ADAM10: variants seen among roughly 807,000 people sequenced by gnomAD.
ADAM10 encodes disintegrin and metalloproteinase domain-containing protein 10.
A neutral mutation model predicts 90.1 loss-of-function variants in ADAM10; 17 were observed. That is an observed-to-expected ratio of 0.19 (90% CI 0.13 to 0.28). The LOEUF is 0.28. ADAM10 is among the 10% of genes least tolerant of loss of function. The pLI is 1.00. For synonymous variants in ADAM10, 310 were observed against 298.6 expected (o/e 1.04, Z -0.40); for missense variants, 610 against 914.3 (o/e 0.67, Z 4.29).
chr15:58,724,522 C>A (rs1898965558), intron 1 of ADAM10, among the ~76,000 whole-genome samples: 1 of 152,112 alleles, frequency 6.6e-6, no homozygotes, highest in Admixed American at 6.5e-5. Flanking sequence ...AGTCTCCAGG[C>A]CAAATGACAG....
intron 11 of ADAM10, among the ~76,000 whole-genome samples, chr15:58,612,786 C>G (rs1420261339): frequency 1.3e-5 from 2 of 152,220 alleles, no homozygotes; most frequent in Non-Finnish European, 2.9e-5. Flanking sequence ...TGTATAATCC[C>G]AGCTACAGAC....
intron 6 of ADAM10, 105 bp downstream of exon 6, chr15:58,645,950 T>C (rs1896535446): frequency 2.4e-6 from 3 of 1,260,868 alleles, no homozygotes; most frequent in South Asian, 2.5e-5. Context: ...TGAAAACACA[T>C]ACTTTTTCCC....
intron 2 of ADAM10, among the ~76,000 whole-genome samples, chr15:58,707,054 G>C (rs1595640293): frequency 8.0e-6 from 1 of 124,792 alleles, no homozygotes. Context: ...AAAAAGAAAA[G>C]AAAAGAAATT....
chr15:58,715,806 T>A (rs1398226862), intron 2 of ADAM10, among the ~76,000 whole-genome samples: 3 of 152,188 alleles, frequency 2.0e-5, no homozygotes, highest in African/African-American at 7.2e-5. Context: ...TTATTCAATA[T>A]GAATTACATG....
At chr15:58,655,696 GTATATATATATATAGTATATATATATA>G (rs1407382243) in intron 5 of ADAM10, among the ~76,000 whole-genome samples, 8 of 68,258 alleles carry the variant, frequency 1.2e-4, no homozygotes, top group African/African-American at 2.4e-4. Flanking sequence ...ATTATATATA[GTATATATATATATAGTATATATATATA>G]TATATATATA....
intron 2 of ADAM10, chr15:58,691,413 G>A (rs1180446912): frequency 1.4e-6 from 1 of 700,402 alleles, no homozygotes; most frequent in South Asian, 1.4e-5. Flanking sequence ...AGCAGAGTTG[G>A]CTACCTGCTC....
chr15:58,634,052 T>C (rs1424378663), intron 8 of ADAM10, among the ~76,000 whole-genome samples: 1 of 152,204 alleles, frequency 6.6e-6, no homozygotes, highest in Non-Finnish European at 1.5e-5. Context: ...GGCTCACGCC[T>C]GTAATCCCAG....
intron 4 of ADAM10, among the ~76,000 whole-genome samples, chr15:58,668,779 C>A (rs1363532683): frequency 5.9e-5 from 9 of 152,134 alleles, no homozygotes; most frequent in African/African-American, 2.2e-4. Flanking sequence ...TGTATATTCA[C>A]AAACCAATAA....
intron 9 of ADAM10, among the ~76,000 whole-genome samples, chr15:58,631,832 C>T (rs1896111215): frequency 6.6e-6 from 1 of 152,152 alleles, no homozygotes; most frequent in Non-Finnish European, 1.5e-5. Flanking sequence ...ATCACAAAAG[C>T]AGTCAAGAGT....
At position 58,682,138 on chromosome 15, in the gene ADAM10, T is replaced by A. The variant is rs1399119430; in HGVS notation, c.325+58A>T. 2.5e-6 allele frequency: 4 copies of A among 1,596,142 alleles called. No homozygotes were observed. The East Asian group carries it at 9.0e-5, about 36-fold the overall frequency. On this transcript the variant is annotated intron_variant, in intron 3 of 15. Coordinates refer to ENST00000260408, the MANE Select transcript of ADAM10 (RefSeq NM_001110.4). ...ATATTTGCTTACACTTCAAAATGAG[T>A]ATCTTTGTGTAGAAAAAAAAAAATG...
intron 15 of ADAM10, among the ~76,000 whole-genome samples, chr15:58,597,882 T>C (rs374533081): frequency 1.3e-5 from 2 of 152,118 alleles, no homozygotes; most frequent in Non-Finnish European, 2.9e-5. Flanking sequence ...CATTTCAATA[T>C]ATAATCAATA....
intron 2 of ADAM10, among the ~76,000 whole-genome samples, chr15:58,707,074 T>C (rs1595640330): frequency 1.9e-5 from 1 of 53,766 alleles, no homozygotes; most frequent in African/African-American, 6.5e-5. Flanking sequence ...TCTAGGGCTA[T>C]AAACTTTGGG....
At chr15:58,745,831 C>T (rs1899773503) in intron 1 of ADAM10, among the ~76,000 whole-genome samples, 1 of 152,136 alleles carries the variant, frequency 6.6e-6, no homozygotes, top group Admixed American at 6.5e-5. Flanking sequence ...AAGAGGGTGG[C>T]TACTGCCCTA....
chr15:58,736,154 A>G (rs1899423422), intron 1 of ADAM10, among the ~76,000 whole-genome samples: 1 of 152,186 alleles, frequency 6.6e-6, no homozygotes, highest in Admixed American at 6.5e-5. Flanking sequence ...CATCTTCACC[A>G]GAAGAGGCCA....
chr15:58,712,780 C>G (rs1301050708), intron 2 of ADAM10, among the ~76,000 whole-genome samples: 1 of 147,432 alleles, frequency 6.8e-6, no homozygotes, highest in Admixed American at 6.6e-5. Flanking sequence ...AAGCCAAGTT[C>G]CCCCCACTGC....
chr15:58,688,786 A>ATATATATATCTCTC, intron 2 of ADAM10, among the ~76,000 whole-genome samples: 8 of 122,390 alleles, frequency 6.5e-5, no homozygotes, highest in African/African-American at 2.2e-4. Context: ...ATATATATAT[A>ATATATATATCTCTC]TCTCTCTCTC....
rs568767017 is a variant in ADAM10, at chr15:58,738,346, T to C, written c.55+11134A>G. On this transcript the variant is annotated intron_variant, in intron 1 of 15. Transcript: ENST00000260408. ...AAACTGTTCTCCTGTATGACAAAGGTAGGCTTCCAGGAACTATCATGCCCT... is the reference window on the plus strand; with the variant it reads ...AAACTGTTCTCCTGTATGACAAAGGCAGGCTTCCAGGAACTATCATGCCCT... Among the ~76,000 whole-genome samples, 4 of 152,330 alleles carry C rather than the reference T, an allele frequency of 2.6e-5. No homozygotes were observed. The South Asian group carries it at 8.3e-4, about 32-fold the overall frequency.
intron 1 of ADAM10, among the ~76,000 whole-genome samples, chr15:58,727,558 C>G (rs1174022084): frequency 2.0e-5 from 3 of 152,076 alleles, no homozygotes; most frequent in Non-Finnish European, 4.4e-5. Context: ...TCTCAAACAC[C>G]TGGTATTAAG....
intron 1 of ADAM10, among the ~76,000 whole-genome samples, chr15:58,736,923 T>C (rs1459009561): frequency 6.6e-6 from 1 of 151,890 alleles, no homozygotes; most frequent in African/African-American, 2.4e-5. Context: ...AAGACCAGCC[T>C]GGGCAACACA....
Sources: gnomAD v4.1 joint callset for allele counts (sites outside exome capture counted in the v4.1 genomes callset) on GRCh38, gnomAD v4.1.1 for gene constraint, MANE v1.5 for transcripts, NCBI Gene and HGNC (gene_info 2026-07-23, HGNC 2026-07-21) for gene names.